Variants in CEP63 observed in about 807,000 individuals in gnomAD.
CEP63 encodes the protein centrosomal protein of 63 kDa.
CEP63 carries 84 observed loss-of-function variants against 89.1 expected under a neutral mutation model. That is an observed-to-expected ratio of 0.94 (90% CI 0.79 to 1.13). The LOEUF (loss-of-function observed/expected upper bound fraction) is 1.13. Ranked by LOEUF, CEP63 falls within the 50% of genes most tolerant of loss-of-function variation. The pLI is 0.00. For missense variants in CEP63, 838 were observed against 813.3 expected, an observed-to-expected ratio of 1.03 and a Z score of -0.37; for synonymous variants, 267 against 272.5, an observed-to-expected ratio of 0.98 and a Z score of 0.20.
the CEP63 span, among the ~76,000 whole-genome samples, chr3:134,776,404 A>AT: frequency 0.14 from 20,859 of 151,892 alleles, 1,516 homozygotes; most frequent in Middle Eastern, 0.18. Flanking sequence ...AAGATACTTA[A>AT]TTTTTTTTTC....
the CEP63 span, among the ~76,000 whole-genome samples, chr3:134,656,941 A>G: frequency 3.3e-5 from 5 of 152,262 alleles, no homozygotes; most frequent in Non-Finnish European, 7.3e-5. Flanking sequence ...CCATCTAGAG[A>G]TAATCACTTC....
chr3:134,668,333 C>A, the CEP63 span, among the ~76,000 whole-genome samples: 2 of 152,122 alleles, frequency 1.3e-5, no homozygotes, highest in African/African-American at 4.8e-5. Context: ...TCTTGTGCAA[C>A]CCTGGCCAGG....
chr3:134,721,291 A>G, the CEP63 span, among the ~76,000 whole-genome samples: 2 of 152,154 alleles, frequency 1.3e-5, no homozygotes, highest in Non-Finnish European at 2.9e-5. Flanking sequence ...TATTACTGGT[A>G]TAAAATACAG....
chr3:134,718,898 C>A, the CEP63 span, among the ~76,000 whole-genome samples: 1 of 152,158 alleles, frequency 6.6e-6, no homozygotes, highest in Non-Finnish European at 1.5e-5. Context: ...ATAGTTTCAG[C>A]GGCTGTGGTG....
the CEP63 span, among the ~76,000 whole-genome samples, chr3:134,718,056 A>G: frequency 6.6e-6 from 1 of 152,214 alleles, no homozygotes; most frequent in Non-Finnish European, 1.5e-5. Context: ...TGGTTTGGGC[A>G]GGGCTGATCC....
At chr3:134,704,966 A>G in the CEP63 span, among the ~76,000 whole-genome samples, 1 of 152,230 alleles carries the variant, frequency 6.6e-6, no homozygotes, top group Non-Finnish European at 1.5e-5. Context: ...CCAGTTTCCA[A>G]GAACCATAGG....
the CEP63 span, among the ~76,000 whole-genome samples, chr3:134,695,330 GA>G: frequency 3.3e-5 from 5 of 152,246 alleles, no homozygotes; most frequent in African/African-American, 1.2e-4. Context: ...AAGGCTTGTA[GA>G]AACAACTCTG....
intron 2 of CEP63, among the ~76,000 whole-genome samples, chr3:134,496,049 C>G (rs1939793647): frequency 6.6e-6 from 1 of 152,174 alleles, no homozygotes; most frequent in African/African-American, 2.4e-5. Flanking sequence ...GTACAAGTAT[C>G]CCTTTCACAT....
the CEP63 span, among the ~76,000 whole-genome samples, chr3:134,600,130 G>A: frequency 7.2e-5 from 11 of 152,280 alleles, no homozygotes; most frequent in South Asian, 2.3e-3. Context: ...CACCATCTTC[G>A]AAAATTTTGC....
At chr3:134,565,054 C>A, downstream of CEP63, 4 of 814,170 alleles carry the variant, frequency 4.9e-6, no homozygotes, top group Non-Finnish European at 5.9e-6. Flanking sequence ...TCTTAACACA[C>A]ATTTTCCAAA....
At chr3:134,656,822 C>T in the CEP63 span, among the ~76,000 whole-genome samples, 1 of 152,052 alleles carries the variant, frequency 6.6e-6, no homozygotes, top group African/African-American at 2.4e-5. Flanking sequence ...TCATAAAGTC[C>T]CATCAGGAGA....
chr3:134,491,112 G>A (rs551752303), intron 1 of CEP63, among the ~76,000 whole-genome samples: 1 of 152,300 alleles, frequency 6.6e-6, no homozygotes, highest in South Asian at 2.1e-4. Context: ...GGATAAAAGG[G>A]TAAATGCATA....
the CEP63 span, chr3:134,604,145 G>C: frequency 6.2e-7 from 1 of 1,608,118 alleles, no homozygotes; most frequent in African/African-American, 1.3e-5. Context: ...TCGCTGGTGT[G>C]GATGATAGGG....
intron 2 of CEP63, among the ~76,000 whole-genome samples, 181 bp from the exon 3 acceptor site, chr3:134,506,918 CAAAAAAAAAA>C (rs1229943667): frequency 1.2e-4 from 3 of 24,274 alleles, no homozygotes; most frequent in Non-Finnish European, 1.8e-4. Context: ...AACTCCATCT[CAAAAAAAAAA>C]AAAAAAAAAA....
rs761446710 is a variant in CEP63 at position 134,550,197 on chromosome 3, A to G, written c.1317A>G (p.Ser439=). 1 of 1,614,182 alleles carries G rather than the reference A, an allele frequency of 6.2e-7. No individual in the cohort carries two copies. Among genetic ancestry groups the G allele is most frequent in the Non-Finnish European group, 8.5e-7 (1 of 1,180,008 alleles). The change falls in exon 11 of 15, where the codon TCA becomes TCG. Residue 439 remains serine, a synonymous_variant. Coordinates refer to ENST00000675561, the MANE Select transcript of CEP63 (RefSeq NM_001353108.3). Reference sequence around the variant, plus strand: ...TTGCTTCCACCAAAGGTTCTTCCTCAGACATGGAAAAGCGACTCAGAGCAG... The same window carrying G: ...TTGCTTCCACCAAAGGTTCTTCCTCGGACATGGAAAAGCGACTCAGAGCAG... ...ITIASTKGSS[S]DMEKRLRAEM...
downstream of CEP63, among the ~76,000 whole-genome samples, chr3:134,589,589 CA>C (rs55675043): frequency 1.4e-5 from 2 of 147,156 alleles, no homozygotes; most frequent in African/African-American, 5.0e-5. Context: ...ATTAAAATGT[CA>C]AAAAAAAAAC....
the CEP63 span, among the ~76,000 whole-genome samples, chr3:134,634,472 G>A: frequency 2.6e-5 from 4 of 152,250 alleles, no homozygotes; most frequent in East Asian, 5.8e-4. Context: ...TTACAAAAGT[G>A]CAAAGACAAT....
At position 134,495,341 on chromosome 3, in the gene CEP63, A is replaced by G; in HGVS notation, c.21A>G (p.Gly7=). 1 of 1,613,730 alleles carries G rather than the reference A, an allele frequency of 6.2e-7. No homozygotes were observed. Among genetic ancestry groups the G allele is most frequent in the Non-Finnish European group, 8.5e-7 (1 of 1,179,714 alleles). The change falls in exon 2 of 15, where the codon GGA becomes GGG. Residue 7 remains glycine (G), a synonymous_variant. Transcript: ENST00000675561. MEALLE[G]IQNRGHGGGF... The stretch of plus-strand genomic sequence containing the variant: ...TGGTGATGGAGGCTTTGTTAGAAGG[A>G]ATACAAAATCGAGGGCATGGTGGGT...
the CEP63 span, among the ~76,000 whole-genome samples, chr3:134,677,149 ATTGCTTGAACCCGGCAGG>A: frequency 2.4e-5 from 2 of 82,344 alleles, no homozygotes; most frequent in Non-Finnish European, 5.4e-5. Flanking sequence ...AGGCAGGAGA[ATTGCTTGAACCCGGCAGG>A]AGAATTGCTT....
Sources: allele counts gnomAD v4.1 joint callset (sites outside exome capture counted in the v4.1 genomes callset), GRCh38; gene constraint gnomAD v4.1.1; transcripts MANE v1.5; gene names NCBI Gene and HGNC (gene_info 2026-07-23, HGNC 2026-07-21).